MYO3A: variants seen among roughly 807,000 people sequenced by gnomAD.
MYO3A encodes the protein myosin IIIA, also known as myosin-IIIa.
Under a neutral mutation model 192.7 loss-of-function variants are expected in MYO3A, and 180 were observed. The ratio of observed to expected loss-of-function variants is 0.93; its 90% CI spans 0.83 to 1.06. The LOEUF (loss-of-function observed/expected upper bound fraction) is 1.06, where lower values mean the gene tolerates loss of function less well. Among genes scored for constraint, MYO3A ranks in the 50% least tolerant of loss-of-function variants. MYO3A has a pLI of 0.00. For synonymous variants in MYO3A, 628 were observed against 645.3 expected (o/e 0.97, Z 0.41); for missense variants, 1,896 against 1,905.0 (o/e 1.00, Z 0.09).
Position 25,941,040 on chromosome 10 carries a change from T to C in MYO3A, c.-18+5210T>C, listed in dbSNP as rs138302442. On this transcript the variant is annotated intron_variant, in intron 2 of 34. Coordinates refer to ENST00000642920, the MANE Select transcript of MYO3A (RefSeq NM_017433.5). ...TCTCAAATTCTGATTAGATTTGTAT[T>C]AGGCTGAATCAGTCAAGAAAACAGT... Among the ~76,000 whole-genome samples, 314 of 152,356 alleles carry C rather than the reference T, an allele frequency of 2.1e-3. 1 individual carries two copies. Among genetic ancestry groups the C allele is most frequent in the Non-Finnish European group, 3.6e-3 (244 of 68,032 alleles).
chr10:26,082,041 G>A (rs1006113959), intron 14 of MYO3A, among the ~76,000 whole-genome samples: 5 of 152,172 alleles, frequency 3.3e-5, no homozygotes, highest in South Asian at 2.1e-4. Flanking sequence ...GCCTCTGCAC[G>A]CTGCTCTTTC....
At position 26,026,258 on chromosome 10, in the gene MYO3A, G is replaced by T. The variant is rs148280628; in HGVS notation, c.798-119G>T. 3.3e-4 allele frequency: 402 copies of T among 1,204,512 alleles called. No individual in the cohort carries two copies. In the African/African-American group the frequency reaches 5.7e-3, roughly 17 times the overall value. The allele number at this position is 1,204,512 out of a possible 1,614,324, so 74.6% of individuals were successfully genotyped here. On this transcript the variant is annotated intron_variant, in intron 9 of 34. Coordinates refer to ENST00000642920, the MANE Select transcript of MYO3A (RefSeq NM_017433.5). ...ATTGCAATTAATATATTTTAAGCTT[G>T]GGCTGAGCATTTATGAGGAGCATCA...
At chr10:26,068,048 A>C (rs1476242677) in intron 11 of MYO3A, among the ~76,000 whole-genome samples, 4 of 152,210 alleles carry the variant, frequency 2.6e-5, no homozygotes, top group Non-Finnish European at 4.4e-5. Context: ...CTGAATTCTT[A>C]CATATAAAAT....
intron 14 of MYO3A, among the ~76,000 whole-genome samples, chr10:26,072,392 A>T (rs1348993839): frequency 6.6e-6 from 1 of 152,190 alleles, no homozygotes; most frequent in East Asian, 1.9e-4. Flanking sequence ...CTAGGCTTTA[A>T]TCGGGTGCTG....
intron 4 of MYO3A, among the ~76,000 whole-genome samples, chr10:25,968,784 C>T (rs1367000386): frequency 6.6e-6 from 1 of 152,224 alleles, no homozygotes. Flanking sequence ...GATGAAATAT[C>T]ATGTGGTCCT....
rs376642738 is a variant in MYO3A at position 26,043,875 on chromosome 10, CAAG to C, written c.953+17347_953+17349del. On this transcript the variant is annotated intron_variant, in intron 10 of 34. Transcript: ENST00000642920. Reference sequence around the variant, plus strand: ...CCTTTACTTTTCCCTCTGCTTTTCTCAAGAAGGAGTCTTCTGCCCATAGCCATC... The same window carrying C: ...CCTTTACTTTTCCCTCTGCTTTTCTCAAGGAGTCTTCTGCCCATAGCCATC... Among the ~76,000 whole-genome samples the C allele has an allele frequency of 6.8e-3, 1,039 of 152,234 alleles. 16 individuals carry two copies. The highest frequency in any genetic ancestry group is 0.024 in the African/African-American group (976 of 41,512).
intron 10 of MYO3A, among the ~76,000 whole-genome samples, chr10:26,033,253 G>GT (rs1564477960): frequency 1.3e-5 from 2 of 151,768 alleles, no homozygotes; most frequent in South Asian, 2.1e-4. Flanking sequence ...TTTGTATTTT[G>GT]TTTTTTTAGT....
At chr10:26,199,711 T>C (rs1843592384) in intron 32 of MYO3A, among the ~76,000 whole-genome samples, 1 of 152,082 alleles carries the variant, frequency 6.6e-6, no homozygotes, top group African/African-American at 2.4e-5. Flanking sequence ...TGATCTAGTA[T>C]AAATAGGATC....
intron 32 of MYO3A, among the ~76,000 whole-genome samples, chr10:26,198,127 G>T (rs992172261): frequency 6.6e-6 from 1 of 152,110 alleles, no homozygotes; most frequent in Non-Finnish European, 1.5e-5. Context: ...CAGTTGTTTT[G>T]CTATTTTTAT....
At chr10:26,045,694 A>T (rs72793992) in intron 10 of MYO3A, among the ~76,000 whole-genome samples, 14,644 of 152,138 alleles carry the variant, frequency 0.096, 799 homozygotes, top group Non-Finnish European at 0.12. Context: ...TCCTCCTTTC[A>T]TCTGCTCCTT....
intron 6 of MYO3A, among the ~76,000 whole-genome samples, chr10:26,015,955 G>A (rs542824788): frequency 6.6e-6 from 1 of 152,232 alleles, no homozygotes; most frequent in South Asian, 2.1e-4. Context: ...TGACTTTGGG[G>A]AGGCACTTTT....
In MYO3A at chr10:26,176,709, G is replaced by T. The variant is rs1842353730; in HGVS notation, c.4302G>T (p.Lys1434Asn). The T allele has an allele frequency of 1.2e-6, 2 of 1,608,508 alleles. No homozygotes were observed. Among genetic ancestry groups the T allele is most frequent in the South Asian group, 2.2e-5 (2 of 90,948 alleles). The change falls in exon 31 of 35, where the codon AAG becomes AAT. Residue 1434 changes from lysine (K) to asparagine (N), a missense_variant. Lys to Asn is a moderately conservative substitution (Grantham distance 94). Transcript: ENST00000642920. ...CATGACCTTCTTTTTAGATATCAAA[G>T]TTATCTGAAGAATATTTCATTCTGC... ...GLAIFSKQIS[K>N]LSEEYFILQK...
At chr10:25,963,049 G>A in intron 4 of MYO3A, among the ~76,000 whole-genome samples, 1 of 152,108 alleles carries the variant, frequency 6.6e-6, no homozygotes, top group East Asian at 1.9e-4. Context: ...AGCTATAATT[G>A]CTCCTTTCAC....
chr10:26,124,206 A>G (rs1219153032), intron 18 of MYO3A, among the ~76,000 whole-genome samples: 1 of 151,788 alleles, frequency 6.6e-6, no homozygotes, highest in African/African-American at 2.4e-5. Flanking sequence ...AAAAAAAAAA[A>G]AAAACTTTTA....
At chr10:25,987,025 G>A (rs1003923846) in intron 4 of MYO3A, among the ~76,000 whole-genome samples, 6 of 152,136 alleles carry the variant, frequency 3.9e-5, no homozygotes, top group African/African-American at 1.2e-4. Context: ...ATAGACCAAC[G>A]GAACAGAAGA....
intron 19 of MYO3A, among the ~76,000 whole-genome samples, chr10:26,127,165 T>A (rs11014964): frequency 6.6e-6 from 1 of 152,108 alleles, no homozygotes. Flanking sequence ...CACTTAAAAA[T>A]AAAAAATAGA....
intron 23 of MYO3A, among the ~76,000 whole-genome samples, chr10:26,153,135 G>A (rs556690263): frequency 1.2e-4 from 18 of 152,342 alleles, no homozygotes; most frequent in African/African-American, 4.1e-4. Flanking sequence ...AGCTGTGAAA[G>A]TGAACTGCAT....
At chr10:26,148,092 CACATATTTAA>C (rs1840580911) in intron 23 of MYO3A, among the ~76,000 whole-genome samples, 1 of 152,130 alleles carries the variant, frequency 6.6e-6, no homozygotes, top group Non-Finnish European at 1.5e-5. Context: ...CAAGAAACAG[CACATATTTAA>C]ACAGTAAAAT....
chr10:26,094,985 C>A (rs1268407638), intron 15 of MYO3A, among the ~76,000 whole-genome samples: 3 of 152,064 alleles, frequency 2.0e-5, no homozygotes, highest in African/African-American at 7.2e-5. Context: ...GAAAGTATTT[C>A]ATTGGCCCCC....
Sources: allele counts gnomAD v4.1 joint callset (sites outside exome capture counted in the v4.1 genomes callset), GRCh38; gene constraint gnomAD v4.1.1; transcripts MANE v1.5; gene names NCBI Gene and HGNC (gene_info 2026-07-23, HGNC 2026-07-21).